Variants in COX19 observed in about 807,000 individuals in gnomAD.
COX19 encodes the protein cytochrome c oxidase assembly protein COX19.
A neutral mutation model predicts 6.8 loss-of-function variants in COX19; 8 were observed. That is an observed-to-expected ratio of 1.18 (90% CI 0.69 to 2.12). The LOEUF is 2.12. Ranked by LOEUF, COX19 falls within the 30% of genes most tolerant of loss-of-function variation. The pLI, the probability that COX19 is intolerant of heterozygous loss-of-function variation, is 0.00. For missense variants in COX19, 131 were observed against 104.6 expected (o/e 1.25, Z -1.10); for synonymous variants, 51 against 38.0 (o/e 1.34, Z -1.26).
rs184641570 is a variant in COX19, at chr7:967,897, C to T, written c.*1481G>A. ...TGGCCACACCGCGTCAGCGCCGACT[C>T]CACGGTGGCTGCGTCACGGCTCACG... On this transcript the variant is annotated 3_prime_UTR_variant, in exon 3 of 3. Coordinates refer to ENST00000344111, the MANE Select transcript of COX19 (RefSeq NM_001031617.3). 6.6e-6 allele frequency: 1 copy of T among 152,442 alleles called. No homozygotes were observed. The highest frequency in any genetic ancestry group is 2.4e-5 in the African/African-American group (1 of 41,600). 9.4% of individuals were successfully genotyped at this position (152,442 alleles called of 1,614,324 possible).
chr7:974,607 C>A (rs1300103210), intron 1 of COX19, among the ~76,000 whole-genome samples: 1 of 152,018 alleles, frequency 6.6e-6, no homozygotes, highest in East Asian at 1.9e-4. Flanking sequence ...GAAAATGTCA[C>A]AATAAAATGT....
intron 2 of COX19, 65 bp from the exon 3 acceptor site, chr7:969,521 G>A: frequency 9.5e-7 from 1 of 1,048,138 alleles, no homozygotes; most frequent in Non-Finnish European, 1.5e-6. Flanking sequence ...GCCCTTGCAG[G>A]CCCCGGCTTC....
chr7:969,956 A>ATT lies in COX19; in HGVS notation c.195-502_195-501dup, dbSNP rs58481554. Among the ~76,000 whole-genome samples, 628 of 117,522 alleles carry ATT rather than the reference A, an allele frequency of 5.3e-3. 5 individuals carry two copies. Among genetic ancestry groups the ATT allele is most frequent in the African/African-American group, 0.019 (572 of 29,886 alleles). The allele number at this position is 117,522 out of a possible 152,430, so 77.1% of individuals were successfully genotyped here. On this transcript the variant is annotated intron_variant, in intron 2 of 2. Coordinates refer to ENST00000344111, the MANE Select transcript of COX19 (RefSeq NM_001031617.3). Reference sequence around the variant, plus strand: ...AGACTCAGGTCGACAGTTATCTGATATTTTTTTTTTTTTTTTTTTTTTTAA... The same window carrying ATT: ...AGACTCAGGTCGACAGTTATCTGATATTTTTTTTTTTTTTTTTTTTTTTTTAA...
chr7:966,927 G>A lies in COX19; in HGVS notation c.*2451C>T, dbSNP rs988654599. On this transcript the variant is annotated 3_prime_UTR_variant, in exon 3 of 3. Transcript: ENST00000344111. ...TCTCGGTGATCAGACCAGCCATCGC[G>A]GTGATGTGGTGCTTGGGTCCAAGAA... is the stretch of plus-strand genomic sequence containing the variant. 8.5e-5 allele frequency: 13 copies of A among 152,154 alleles called. No homozygotes were observed. Among genetic ancestry groups the A allele is most frequent in the African/African-American group, 2.7e-4 (11 of 41,402 alleles). The allele number at this position is 152,154 out of a possible 1,614,324, so 9.4% of individuals were successfully genotyped here.
chr7:975,384 A>AC (rs1190780025), intron 1 of COX19, 44 bp downstream of exon 1: 12 of 1,463,574 alleles, frequency 8.2e-6, no homozygotes, highest in South Asian at 6.2e-5. Context: ...CGCGACCCAG[A>AC]CCCCCCATCG....
intron 2 of COX19, 41 bp downstream of exon 2, chr7:973,140 A>T (rs779416655): frequency 5.8e-6 from 8 of 1,368,586 alleles, no homozygotes; most frequent in Non-Finnish European, 7.8e-6. Context: ...TTTTAATTGG[A>T]GTAGTGGGAG....
rs1248486319 is a variant in COX19, at chr7:968,157, G to C, written c.*1221C>G. 2 of 152,334 alleles carry C rather than the reference G, an allele frequency of 1.3e-5. No individual in the cohort carries two copies. Among genetic ancestry groups the C allele is most frequent in the African/African-American group, 2.4e-5 (1 of 41,472 alleles). 9.4% of individuals were successfully genotyped at this position (152,334 alleles called of 1,614,324 possible). On this transcript the variant is annotated 3_prime_UTR_variant, in exon 3 of 3. Coordinates refer to ENST00000344111, the MANE Select transcript of COX19 (RefSeq NM_001031617.3). ...GGGTTGGGCGGGCCCAGCCGCAATA[G>C]GTACTCAGTTCTGTGAGGAGGGGAG...
At position 965,432 on chromosome 7, in the gene COX19, CAA is replaced by C. The variant is rs1399371967; in HGVS notation, c.*3944_*3945del. ...ATTACATTCAGGCCATGCAGTTGGGCAAGAGAACCAGAGGTGATACCGTGCCC... is the reference window on the plus strand; with the variant it reads ...ATTACATTCAGGCCATGCAGTTGGGCGAGAACCAGAGGTGATACCGTGCCC... On this transcript the variant is annotated 3_prime_UTR_variant, in exon 3 of 3. Transcript: ENST00000344111. 1.3e-5 allele frequency among the ~76,000 whole-genome samples: 2 copies of C among 152,188 alleles called. No individual in the cohort carries two copies. The highest frequency in any genetic ancestry group is 4.8e-5 in the African/African-American group (2 of 41,450).
intron 1 of COX19, among the ~76,000 whole-genome samples, chr7:974,340 T>C (rs549334756): frequency 2.9e-4 from 43 of 150,820 alleles, no homozygotes; most frequent in African/African-American, 9.8e-4. Context: ...GAGACTCCCC[T>C]GAGTCCAGAA....
intron 2 of COX19, among the ~76,000 whole-genome samples, chr7:970,378 C>T (rs574308955): frequency 6.6e-6 from 1 of 151,402 alleles, no homozygotes; most frequent in Non-Finnish European, 1.5e-5. Context: ...CATGTGATTA[C>T]CCACCTTGGT....
rs1847590592 is a variant in COX19 at position 968,496 on chromosome 7, G to C, written c.*882C>G. ...TGGGAAGGAGACAGGTCTGGCTGAGGCCCCAGATGTGCAGGCACCTGCGTT... is the reference window on the plus strand; with the variant it reads ...TGGGAAGGAGACAGGTCTGGCTGAGCCCCCAGATGTGCAGGCACCTGCGTT... On this transcript the variant is annotated 3_prime_UTR_variant, in exon 3 of 3. Coordinates refer to ENST00000344111, the MANE Select transcript of COX19 (RefSeq NM_001031617.3). 6.6e-6 allele frequency: 1 copy of C among 152,320 alleles called. No individual in the cohort carries two copies. The highest frequency in any genetic ancestry group is 1.5e-5 in the Non-Finnish European group (1 of 68,094). The allele number at this position is 152,320 out of a possible 1,614,324, so 9.4% of individuals were successfully genotyped here. A position where few individuals can be genotyped will look rare whatever the true frequency, so the allele number is the denominator to read the frequency against.
At position 967,315 on chromosome 7, in the gene COX19, T is replaced by C. The variant is rs1847570943; in HGVS notation, c.*2063A>G. ...GGTGAGGGCGATCACTCCGTTTCTCTATCCAGTTACCTTTGTACGTTAGAA... is the reference window on the plus strand; with the variant it reads ...GGTGAGGGCGATCACTCCGTTTCTCCATCCAGTTACCTTTGTACGTTAGAA... On this transcript the variant is annotated 3_prime_UTR_variant, in exon 3 of 3. Transcript: ENST00000344111. 6.6e-6 allele frequency: 1 copy of C among 152,246 alleles called. No individual in the cohort carries two copies. Among genetic ancestry groups the C allele is most frequent in the Non-Finnish European group, 1.5e-5 (1 of 68,038 alleles). The allele number at this position is 152,246 out of a possible 1,614,324, so 9.4% of individuals were successfully genotyped here.
At chr7:974,753 G>C (rs1300833145) in intron 1 of COX19, among the ~76,000 whole-genome samples, 1 of 151,992 alleles carries the variant, frequency 6.6e-6, no homozygotes, top group African/African-American at 2.4e-5. Flanking sequence ...CCGTCTCCCG[G>C]TTCAAGCGAT....
chr7:974,928 G>A (rs1199852173), intron 1 of COX19: 1 of 153,148 alleles, frequency 6.5e-6, no homozygotes, highest in African/African-American at 2.4e-5. Context: ...AAAGGGCTGG[G>A]ATCACAGGCA....
chr7:975,391 A>G, intron 1 of COX19, 37 bp downstream of exon 1: 1 of 1,516,250 alleles, frequency 6.6e-7, no homozygotes, highest in African/African-American at 1.4e-5. Flanking sequence ...CAGACCCCCC[A>G]TCGCAGACCC....
Position 973,162 on chromosome 7 carries a change from A to G in COX19, c.194+19T>C. Reference sequence around the variant, plus strand: ...TGGAGTAGTGGGAGGTGGAAATCATAACGCTTAGCTGTACTCACCTCTCCA... The same window carrying G: ...TGGAGTAGTGGGAGGTGGAAATCATGACGCTTAGCTGTACTCACCTCTCCA... On this transcript the variant is annotated intron_variant, in intron 2 of 2. Transcript: ENST00000344111. 6.7e-7 allele frequency: 1 copy of G among 1,483,266 alleles called. No homozygotes were observed. The highest frequency in any genetic ancestry group is 9.0e-7 in the Non-Finnish European group (1 of 1,109,602). 91.9% of individuals were successfully genotyped at this position (1,483,266 alleles called of 1,614,324 possible).
chr7:973,104 G>A, intron 2 of COX19, 77 bp downstream of exon 2: 5 of 938,808 alleles, frequency 5.3e-6, no homozygotes, highest in Non-Finnish European at 7.5e-6. Context: ...AAGACACACT[G>A]TAATGGCCTT....
chr7:975,086 G>A (rs1847686335), intron 1 of COX19: 1 of 282,518 alleles, frequency 3.5e-6, no homozygotes, highest in South Asian at 8.4e-5. Context: ...CTAAGCCTCG[G>A]CTGCAGCTGC....
At chr7:975,371 G>C in intron 1 of COX19, 57 bp downstream of exon 1, 1 of 1,400,946 alleles carries the variant, frequency 7.1e-7, no homozygotes, top group South Asian at 1.3e-5. Flanking sequence ...CTCCGCGCTG[G>C]GCCGCGACCC....
Sources: allele counts gnomAD v4.1 joint callset (sites outside exome capture counted in the v4.1 genomes callset), GRCh38; gene constraint gnomAD v4.1.1; transcripts MANE v1.5; gene names NCBI Gene and HGNC (gene_info 2026-07-23, HGNC 2026-07-21).